SFI1: variants seen among roughly 807,000 people sequenced by gnomAD.
The protein encoded by SFI1 is SFI1 centrin binding protein.
A neutral mutation model predicts 207.5 loss-of-function variants in SFI1; 195 were observed. The observed-to-expected ratio is 0.94, with a 90% confidence interval of 0.84 to 1.06. SFI1 has a LOEUF of 1.06. Among genes scored for constraint, SFI1 ranks in the 50% least tolerant of loss-of-function variants. SFI1 has a pLI of 0.00. For missense variants in SFI1, 1,634 were observed against 1,588.0 expected, an observed-to-expected ratio of 1.03 and a Z score of -0.49; for synonymous variants, 630 against 598.9, an observed-to-expected ratio of 1.05 and a Z score of -0.76.
chr22:31,609,801 T>C (rs1306344864), intron 22 of SFI1, among the ~76,000 whole-genome samples: 4 of 152,250 alleles, frequency 2.6e-5, no homozygotes, highest in Admixed American at 6.5e-5. Flanking sequence ...TAGCCAGACC[T>C]TGGGCTCTGG....
chr22:31,532,418 G>T (rs981394993), intron 4 of SFI1, among the ~76,000 whole-genome samples: 1 of 152,192 alleles, frequency 6.6e-6, no homozygotes, highest in Non-Finnish European at 1.5e-5. Flanking sequence ...GAAGGCAGGG[G>T]AGCTGGAGAG....
At chr22:31,551,804 T>C (rs866159473) in intron 6 of SFI1, among the ~76,000 whole-genome samples, 3 of 152,340 alleles carry the variant, frequency 2.0e-5, no homozygotes, top group Middle Eastern at 6.8e-3. Flanking sequence ...CACCAGTAAT[T>C]CACGAGAGTT....
chr22:31,509,753 A>G (rs1177107719), intron 2 of SFI1, among the ~76,000 whole-genome samples: 3 of 151,932 alleles, frequency 2.0e-5, no homozygotes, highest in Non-Finnish European at 4.4e-5. Context: ...GTTTGCTACT[A>G]TTTTTTGAGG....
intron 8 of SFI1, among the ~76,000 whole-genome samples, chr22:31,566,721 G>A (rs2062353294): frequency 6.6e-6 from 1 of 152,220 alleles, no homozygotes; most frequent in South Asian, 2.1e-4. Context: ...TGCCTGGAAT[G>A]TGGAAATGCT....
At chr22:31,548,263 AT>A (rs2060285469) in intron 5 of SFI1, among the ~76,000 whole-genome samples, 1 of 151,596 alleles carries the variant, frequency 6.6e-6, no homozygotes, top group Non-Finnish European at 1.5e-5. Flanking sequence ...ATTTACATTG[AT>A]TATGGGAGAA....
chr22:31,505,806 C>T (rs950942179), intron 1 of SFI1, among the ~76,000 whole-genome samples: 1 of 152,138 alleles, frequency 6.6e-6, no homozygotes, highest in African/African-American at 2.4e-5. Flanking sequence ...ACTGCTTGAG[C>T]ATGGGAGGTT....
At chr22:31,579,866 A>G (rs571858445) in intron 11 of SFI1, among the ~76,000 whole-genome samples, 8 of 152,166 alleles carry the variant, frequency 5.3e-5, no homozygotes, top group Non-Finnish European at 1.0e-4. Flanking sequence ...TAATCATACA[A>G]ATGTATGCAC....
At chr22:31,603,490 C>T (rs11704616) in intron 17 of SFI1, among the ~76,000 whole-genome samples, 29,524 of 152,128 alleles carry the variant, frequency 0.19, 3,880 homozygotes, top group Non-Finnish European at 0.29. Context: ...CATGTTTAAC[C>T]AGTTTCTCAG....
intron 4 of SFI1, among the ~76,000 whole-genome samples, chr22:31,543,093 C>T (rs1164900028): frequency 6.6e-6 from 1 of 151,644 alleles, no homozygotes; most frequent in African/African-American, 2.4e-5. Context: ...GCCTCAGCCT[C>T]CTGAGTAGTT....
intron 2 of SFI1, among the ~76,000 whole-genome samples, chr22:31,512,051 A>G (rs1038106738): frequency 3.3e-5 from 5 of 152,036 alleles, no homozygotes; most frequent in African/African-American, 1.2e-4. Context: ...AGGTAAAGAA[A>G]TAGGTTATTG....
In SFI1 at chr22:31,535,478, C is replaced by T. The variant is rs183328866; in HGVS notation, c.338+4349C>T. ...TGTTTGGATTACAGGCATGAGCCACCGCGCCTGACCTTTTTTTTGTTTTTT... is the reference window on the plus strand; with the variant it reads ...TGTTTGGATTACAGGCATGAGCCACTGCGCCTGACCTTTTTTTTGTTTTTT... On this transcript the variant is annotated intron_variant, in intron 4 of 32. Coordinates refer to ENST00000400288, the MANE Select transcript of SFI1 (RefSeq NM_001007467.3). Among the ~76,000 whole-genome samples, 220 of 151,750 alleles carry T rather than the reference C, an allele frequency of 1.4e-3. 1 individual carries two copies. Among genetic ancestry groups the T allele is most frequent in the African/African-American group, 5.1e-3 (209 of 41,382 alleles).
intron 14 of SFI1, among the ~76,000 whole-genome samples, chr22:31,585,945 G>A (rs754895911): frequency 1.3e-5 from 2 of 151,976 alleles, no homozygotes; most frequent in African/African-American, 2.4e-5. Flanking sequence ...CACCCTACCC[G>A]TACCTCCATC....
chr22:31,598,707 G>T (rs1220455966), intron 15 of SFI1, among the ~76,000 whole-genome samples: 1 of 34,108 alleles, frequency 2.9e-5, no homozygotes, highest in Non-Finnish European at 6.7e-5. Context: ...ATAAGCCACT[G>T]CGCCTGGCCT....
intron 7 of SFI1, among the ~76,000 whole-genome samples, chr22:31,560,890 C>A (rs377724195): frequency 6.6e-6 from 1 of 151,936 alleles, no homozygotes; most frequent in Non-Finnish European, 1.5e-5. Context: ...TTAATAGAGA[C>A]AGGGTTTCAC....
In SFI1 at chr22:31,578,384, A is replaced by G. The variant is rs372138017; in HGVS notation, c.1087A>G (p.Met363Val). ...TGGAGGCCTTCACTTCCTGGCAGAC[A>G]TGCTGCTGTGTGCAGAAGAAGCTGC... ...RRAFTHWKHY[M>V]LLCAEEAAQF... Residue 363 changes from methionine (M) to valine (V), a missense_variant and splice_region_variant, in exon 11 of 33, where the codon ATG becomes GTG. Met to Val is a conservative substitution (Grantham distance 21). Coordinates refer to ENST00000400288, the MANE Select transcript of SFI1 (RefSeq NM_001007467.3). 1.9e-4 allele frequency: 310 copies of G among 1,613,222 alleles called. No homozygotes were observed. The highest frequency in any genetic ancestry group is 2.4e-4 in the Non-Finnish European group (285 of 1,179,484).
intron 15 of SFI1, among the ~76,000 whole-genome samples, chr22:31,593,141 C>T (rs910268308): frequency 1.3e-5 from 2 of 149,914 alleles, no homozygotes; most frequent in Non-Finnish European, 3.0e-5. Context: ...GCTGACCCCC[C>T]CCCACCTCCT....
intron 15 of SFI1, among the ~76,000 whole-genome samples, chr22:31,589,785 TA>T (rs1283387928): frequency 4.0e-5 from 6 of 149,030 alleles, no homozygotes; most frequent in Admixed American, 2.7e-4. Context: ...CATCTTTATT[TA>T]TTTATTTTTT....
chr22:31,614,835 C>T lies in SFI1; in HGVS notation c.3043C>T (p.Leu1015=), dbSNP rs772973459. The change falls in exon 28 of 33, where the codon CTG becomes TTG. Residue 1015 remains leucine (L), a synonymous_variant. Transcript: ENST00000400288. ...GAAGCAGCCGCGACGCCCACACTTCCTGTTGGAGCCTGCGCAGAGCCAGAG... is the reference window on the plus strand; with the variant it reads ...GAAGCAGCCGCGACGCCCACACTTCTTGTTGGAGCCTGCGCAGAGCCAGAG... The part of the protein sequence containing the change: ...ARKQPRRPHF[L]LEPAQSQRPQ... 4 of 1,613,742 alleles carry T rather than the reference C, an allele frequency of 2.5e-6. No homozygotes were observed. Among genetic ancestry groups the T allele is most frequent in the Non-Finnish European group, 3.4e-6 (4 of 1,180,036 alleles).
chr22:31,606,410 A>T lies in SFI1; in HGVS notation c.2137A>T (p.Arg713Ter), dbSNP rs568602624. ...AACCTTTCAAGCAAGTACTCATTAC[A>T]GAAGGACCATATGTTCCAAGGTGAG... ...KKTFQASTHY[R>*]RTICSKVLVQ... is the part of the protein sequence containing the mutation. Residue 713 changes from arginine to a stop codon, truncating the protein, a stop_gained, in exon 21 of 33, where the codon AGA (arginine) becomes TGA (stop). Coordinates refer to ENST00000400288, the MANE Select transcript of SFI1 (RefSeq NM_001007467.3). LOFTEE classifies it high-confidence loss of function. 6.2e-7 allele frequency: 1 copy of T among 1,613,856 alleles called. No individual in the cohort carries two copies. The highest frequency in any genetic ancestry group is 2.2e-5 in the East Asian group (1 of 44,880).
Sources: allele counts gnomAD v4.1 joint callset (sites outside exome capture counted in the v4.1 genomes callset), GRCh38; gene constraint gnomAD v4.1.1; transcripts MANE v1.5; gene names NCBI Gene and HGNC (gene_info 2026-07-23, HGNC 2026-07-21).